Variants in NELL1 observed in about 807,000 individuals in gnomAD.
NELL1 encodes the protein protein kinase C-binding protein NELL1.
NELL1 carries 76 observed loss-of-function variants against 107.4 expected under a neutral mutation model. The ratio of observed to expected loss-of-function variants is 0.71; its 90% CI spans 0.59 to 0.86. The LOEUF (loss-of-function observed/expected upper bound fraction) is 0.86, where lower values mean the gene tolerates loss of function less well. Among genes scored for constraint, NELL1 ranks in the 40% least tolerant of loss-of-function variants. The probability of loss-of-function intolerance (pLI) is 0.00; values close to 1 mark genes in which losing one functional copy is unlikely to be tolerated. For synonymous variants in NELL1, 353 were observed against 341.2 expected (o/e 1.03, Z -0.38); for missense variants, 1,024 against 1,005.5 (o/e 1.02, Z -0.25).
At chr11:21,063,328 T>C (rs1481607138) in intron 12 of NELL1, among the ~76,000 whole-genome samples, 1 of 152,146 alleles carries the variant, frequency 6.6e-6, no homozygotes, top group African/African-American at 2.4e-5. Context: ...TGAGCTTCGG[T>C]GTCCAGAGGT....
intron 12 of NELL1, among the ~76,000 whole-genome samples, chr11:21,068,842 T>G (rs1853943189): frequency 6.6e-6 from 1 of 152,192 alleles, no homozygotes; most frequent in Non-Finnish European, 1.5e-5. Flanking sequence ...AAGGAAATCT[T>G]CAGGGCCTTG....
rs536329746 is a variant in NELL1, at chr11:21,288,888, G to A, written c.1549+59434G>A. Among the ~76,000 whole-genome samples the A allele has an allele frequency of 6.6e-5, 10 of 152,230 alleles. No homozygotes were observed. In the South Asian group the frequency reaches 8.3e-4, roughly 13 times the overall value. ...GGGGGCCTCCATTTTTCTCCACCTG[G>A]TTGTCGTATGTGGTATGTGGTATTT... On this transcript the variant is annotated intron_variant, in intron 14 of 19. Transcript: ENST00000357134.
intron 14 of NELL1, among the ~76,000 whole-genome samples, chr11:21,330,434 A>G (rs963498483): frequency 2.0e-5 from 3 of 151,986 alleles, no homozygotes; most frequent in African/African-American, 7.2e-5. Context: ...AATTCTGTCA[A>G]TTTTGTTCCT....
intron 15 of NELL1, among the ~76,000 whole-genome samples, chr11:21,395,257 C>T (rs1249749113): frequency 6.6e-6 from 1 of 151,484 alleles, no homozygotes; most frequent in Non-Finnish European, 1.5e-5. Context: ...TCTGCCCTCT[C>T]TTTGAAACTA....
intron 10 of NELL1, among the ~76,000 whole-genome samples, chr11:20,940,014 A>G (rs1319521450): frequency 6.6e-6 from 1 of 152,156 alleles, no homozygotes; most frequent in African/African-American, 2.4e-5. Flanking sequence ...ATGCAATTGC[A>G]ATCTGGTGGC....
chr11:21,233,577 A>G (rs1483468283), intron 14 of NELL1, among the ~76,000 whole-genome samples: 1 of 152,248 alleles, frequency 6.6e-6, no homozygotes, highest in African/African-American at 2.4e-5. Context: ...ATATTTAATA[A>G]ATAGACTAAA....
At chr11:20,826,928 A>G (rs1857897537) in intron 3 of NELL1, among the ~76,000 whole-genome samples, 3 of 151,196 alleles carry the variant, frequency 2.0e-5, no homozygotes, top group Admixed American at 6.7e-5. Flanking sequence ...TTGTGTGTTA[A>G]TTGTTTTCGA....
chr11:21,337,805 T>TTGCTTTCC (rs1850457376), intron 14 of NELL1, among the ~76,000 whole-genome samples: 1 of 70,850 alleles, frequency 1.4e-5, no homozygotes, highest in Non-Finnish European at 2.9e-5. Flanking sequence ...TCCTTCTTTC[T>TTGCTTTCC]TTCTTGCTTT....
At chr11:21,292,105 G>A (rs186654019) in intron 14 of NELL1, among the ~76,000 whole-genome samples, 14 of 152,278 alleles carry the variant, frequency 9.2e-5, no homozygotes, top group African/African-American at 2.4e-5. Context: ...GAAATAAAGT[G>A]TATTCAAATA....
chr11:21,256,209 T>C (rs1858763588), intron 14 of NELL1, among the ~76,000 whole-genome samples: 1 of 152,068 alleles, frequency 6.6e-6, no homozygotes, highest in Non-Finnish European at 1.5e-5. Context: ...TTTGTACCTA[T>C]ATGATATGTA....
intron 14 of NELL1, among the ~76,000 whole-genome samples, chr11:21,314,019 A>T (rs1382567187): frequency 1.8e-5 from 1 of 56,490 alleles, no homozygotes; most frequent in African/African-American, 6.6e-5. Context: ...CGCGACCCCC[A>T]CTTGCTCCTG....
At chr11:21,155,613 C>T (rs1453997) in intron 13 of NELL1, among the ~76,000 whole-genome samples, 49,571 of 151,922 alleles carry the variant, frequency 0.33, 8,214 homozygotes, top group Middle Eastern at 0.39. Context: ...TGTTGTAAAA[C>T]CCCCCTTGGT....
chr11:20,704,282 CT>C (rs1480911219), intron 2 of NELL1, among the ~76,000 whole-genome samples: 7 of 152,176 alleles, frequency 4.6e-5, no homozygotes, highest in Admixed American at 1.3e-4. Context: ...CTCTTTTGAT[CT>C]TTGTTGGTTT....
rs74971572 is a variant in NELL1, at chr11:20,821,142, G to A, written c.336-26441G>A. On this transcript the variant is annotated intron_variant, in intron 3 of 19. Transcript: ENST00000357134. ...GCATTTAAACTGGGACTTGAAGCAT[G>A]AGTCAGAGTTTACCAGGTGGAGAAG... Among the ~76,000 whole-genome samples the A allele has an allele frequency of 3.7e-3, 561 of 152,298 alleles. 2 individuals are homozygous for A. Among genetic ancestry groups the A allele is most frequent in the African/African-American group, 0.013 (542 of 41,568 alleles).
In NELL1 at chr11:21,507,874, G is replaced by A. The variant is rs538344077; in HGVS notation, c.1646-26500G>A. On this transcript the variant is annotated intron_variant, in intron 15 of 19. Transcript: ENST00000357134. ...CAGCTCAGTGCAACCTCTACCTGCCGGGTTCCAGCGATTCTCCTGCCTCAG... is the reference window on the plus strand; with the variant it reads ...CAGCTCAGTGCAACCTCTACCTGCCAGGTTCCAGCGATTCTCCTGCCTCAG... 7.3e-5 allele frequency among the ~76,000 whole-genome samples: 11 copies of A among 151,424 alleles called. No homozygotes were observed. The South Asian group carries it at 8.3e-4, about 11-fold the overall frequency.
intron 4 of NELL1, among the ~76,000 whole-genome samples, chr11:20,854,045 T>C (rs1209109318): frequency 2.0e-5 from 3 of 152,172 alleles, no homozygotes; most frequent in Non-Finnish European, 4.4e-5. Context: ...GGCAAAATTA[T>C]CATGGCTTTT....
intron 15 of NELL1, among the ~76,000 whole-genome samples, chr11:21,499,749 G>A (rs1261930795): frequency 3.3e-5 from 5 of 152,110 alleles, no homozygotes; most frequent in African/African-American, 1.2e-4. Context: ...AATAGCAAGT[G>A]TGCACAAGGT....
At chr11:21,454,124 T>G (rs1273805401) in intron 15 of NELL1, among the ~76,000 whole-genome samples, 2 of 130,630 alleles carry the variant, frequency 1.5e-5, no homozygotes, top group African/African-American at 2.9e-5. Context: ...TTCCCCTTCC[T>G]GTGTCCATGT....
At chr11:20,864,176 TA>T (rs1849051811) in intron 4 of NELL1, among the ~76,000 whole-genome samples, 1 of 152,124 alleles carries the variant, frequency 6.6e-6, no homozygotes, top group Non-Finnish European at 1.5e-5. Flanking sequence ...TTTTAACAAT[TA>T]AAAAAATTTT....
Sources: gnomAD v4.1 joint callset for allele counts (sites outside exome capture counted in the v4.1 genomes callset) on GRCh38, gnomAD v4.1.1 for gene constraint, MANE v1.5 for transcripts, NCBI Gene and HGNC (gene_info 2026-07-23, HGNC 2026-07-21) for gene names.